Variants in SLC25A16 observed in about 807,000 individuals in gnomAD.
The protein encoded by SLC25A16 is solute carrier family 25 member 16.
In SLC25A16, 39 loss-of-function variants were observed where a neutral mutation model predicts 41.5. The ratio of observed to expected loss-of-function variants is 0.94; its 90% CI spans 0.73 to 1.23. The LOEUF is 1.23. Ranked by LOEUF, SLC25A16 falls within the 50% of genes most tolerant of loss-of-function variation. SLC25A16 has a pLI of 0.00. For synonymous variants in SLC25A16, 146 were observed against 147.8 expected, an observed-to-expected ratio of 0.99 and a Z score of 0.09; for missense variants, 421 against 426.9, an observed-to-expected ratio of 0.99 and a Z score of 0.12.
intron 2 of SLC25A16, among the ~76,000 whole-genome samples, chr10:68,509,184 A>G (rs2053011080): frequency 6.6e-6 from 1 of 152,022 alleles, no homozygotes; most frequent in Non-Finnish European, 1.5e-5. Flanking sequence ...TAAAAATACA[A>G]AAATTAGATG....
chr10:68,505,590 T>C (rs10823216), intron 3 of SLC25A16, among the ~76,000 whole-genome samples: 111,747 of 151,756 alleles, frequency 0.74, 42,154 homozygotes, highest in East Asian at 0.84. Context: ...CTGACCAACA[T>C]GGTGAAACCC....
intron 7 of SLC25A16, among the ~76,000 whole-genome samples, chr10:68,487,949 G>A (rs1197110251): frequency 6.6e-6 from 1 of 152,006 alleles, no homozygotes; most frequent in Non-Finnish European, 1.5e-5. Context: ...CACCTCCCAG[G>A]TTCAAGCAAT....
chr10:68,512,260 C>G (rs2053076383), intron 2 of SLC25A16, among the ~76,000 whole-genome samples: 1 of 151,936 alleles, frequency 6.6e-6, no homozygotes, highest in African/African-American at 2.4e-5. Context: ...GACCTTGTCT[C>G]TCCAAATATT....
At chr10:68,500,004 A>C in intron 4 of SLC25A16, 1 of 392,268 alleles carries the variant, frequency 2.5e-6, no homozygotes, top group South Asian at 2.9e-5. Flanking sequence ...AAAAACTCGA[A>C]ATAAAAAAAA....
At chr10:68,525,627 G>A (rs2053324786) in intron 1 of SLC25A16, among the ~76,000 whole-genome samples, 1 of 151,944 alleles carries the variant, frequency 6.6e-6, no homozygotes, top group Non-Finnish European at 1.5e-5. Context: ...CTTCAATGTG[G>A]AATTTTTAAA....
intron 4 of SLC25A16, among the ~76,000 whole-genome samples, chr10:68,498,805 G>C (rs1590105102): frequency 6.6e-6 from 1 of 152,186 alleles, no homozygotes; most frequent in African/African-American, 2.4e-5. Context: ...ATACCGTATG[G>C]TCATTCTGGT....
At chr10:68,522,459 C>T (rs1023238431) in intron 1 of SLC25A16, among the ~76,000 whole-genome samples, 1 of 151,922 alleles carries the variant, frequency 6.6e-6, no homozygotes, top group Non-Finnish European at 1.5e-5. Context: ...GCAGGTGGAT[C>T]ACTTAAGGTC....
At chr10:68,494,879 A>G (rs1269187807) in intron 4 of SLC25A16, among the ~76,000 whole-genome samples, 1 of 117,272 alleles carries the variant, frequency 8.5e-6, no homozygotes, top group African/African-American at 2.7e-5. Context: ...AACTGCATCT[A>G]AAAAAAAAAA....
In SLC25A16 at chr10:68,527,487, G is replaced by C; in HGVS notation, c.-112C>G. 9.3e-7 allele frequency: 1 copy of C among 1,079,036 alleles called. No homozygotes were observed. The allele number at this position is 1,079,036 out of a possible 1,614,324, so 66.8% of individuals were successfully genotyped here. A position where few individuals can be genotyped will look rare whatever the true frequency, so the allele number is the denominator to read the frequency against. On this transcript the variant is annotated 5_prime_UTR_variant, in exon 1 of 9. Coordinates refer to ENST00000609923, the MANE Select transcript of SLC25A16 (RefSeq NM_152707.4). ...CTGACCGCCCCGCCGGCGGGGCAAA[G>C]TAACACCCGGCGGCGCGGCGCCGGC...
At chr10:68,509,727 C>G in intron 2 of SLC25A16, among the ~76,000 whole-genome samples, 1 of 140,074 alleles carries the variant, frequency 7.1e-6, no homozygotes, top group Non-Finnish European at 1.5e-5. Context: ...ATATATCTAT[C>G]TATCTATATA....
intron 6 of SLC25A16, among the ~76,000 whole-genome samples, chr10:68,492,462 G>A (rs958227446): frequency 6.6e-6 from 1 of 151,896 alleles, no homozygotes; most frequent in African/African-American, 2.4e-5. Context: ...AAAATAAAAA[G>A]TTTAGTTTAA....
intron 4 of SLC25A16, among the ~76,000 whole-genome samples, chr10:68,501,713 G>C (rs1383542816): frequency 6.6e-6 from 1 of 152,044 alleles, no homozygotes; most frequent in Non-Finnish European, 1.5e-5. Context: ...TTGAATCCAG[G>C]AGTTTAAGCC....
At chr10:68,496,978 A>T in intron 4 of SLC25A16, among the ~76,000 whole-genome samples, 1 of 152,116 alleles carries the variant, frequency 6.6e-6, no homozygotes, top group South Asian at 2.1e-4. Flanking sequence ...ACCTAGCTAC[A>T]AAGGATTTCT....
rs568284250 is a variant in SLC25A16 at position 68,521,943 on chromosome 10, T to G, written c.131-5100A>C. Among the ~76,000 whole-genome samples, 5 of 151,898 alleles carry G rather than the reference T, an allele frequency of 3.3e-5. No homozygotes were observed. In the South Asian group the frequency reaches 1.0e-3, roughly 31 times the overall value. The stretch of plus-strand genomic sequence containing the variant: ...TGGGATGCTGAGGTGGGCAGATCAC[T>G]TGAGGTCAGGAATTGGAGACCAGTC... On this transcript the variant is annotated intron_variant, in intron 1 of 8. Coordinates refer to ENST00000609923, the MANE Select transcript of SLC25A16 (RefSeq NM_152707.4).
At chr10:68,486,957 A>G in intron 8 of SLC25A16, 187 bp downstream of exon 8, 1 of 80,118 alleles carries the variant, frequency 1.2e-5, no homozygotes, top group Admixed American at 1.8e-4. Flanking sequence ...ACTGCATCTC[A>G]AAAAAAAAAA....
Position 68,493,499 on chromosome 10 carries a change from C to A in SLC25A16, c.493G>T (p.Glu165Ter), listed in dbSNP as rs1158587208. The A allele has an allele frequency of 6.2e-7, 1 of 1,612,912 alleles. No homozygotes were observed. The highest frequency in any genetic ancestry group is 8.5e-7 in the Non-Finnish European group (1 of 1,179,226). The stretch of plus-strand genomic sequence containing the variant: ...TGAATAATTCCTGTATAGCTGTGTT[C>A]CCCTTTCACCTGGAATGCTAGGCGG... ...RVRLAFQVKG[E>*]HSYTGIIHAF... Residue 165 changes from glutamate (E) to a stop codon, truncating the protein, a stop_gained, in exon 5 of 9, where the codon GAA (glutamate) becomes TAA (stop). Coordinates refer to ENST00000609923, the MANE Select transcript of SLC25A16 (RefSeq NM_152707.4). LOFTEE classifies it high-confidence loss of function.
rs1315738455 is a variant in SLC25A16, at chr10:68,481,765, C to T, written c.*1667G>A. ...AGTAACTGGGACTACAGGCACGAGC[C>T]ACCACACCTGCTACTTTTTGTATTT... On this transcript the variant is annotated 3_prime_UTR_variant, in exon 9 of 9. Coordinates refer to ENST00000609923, the MANE Select transcript of SLC25A16 (RefSeq NM_152707.4). The T allele has an allele frequency of 1.3e-5, 2 of 152,190 alleles. No homozygotes were observed. Among genetic ancestry groups the T allele is most frequent in the Non-Finnish European group, 2.9e-5 (2 of 68,056 alleles). The allele number at this position is 152,190 out of a possible 1,614,324, so 9.4% of individuals were successfully genotyped here. A position where few individuals can be genotyped will look rare whatever the true frequency, so the allele number is the denominator to read the frequency against.
intron 2 of SLC25A16, among the ~76,000 whole-genome samples, chr10:68,512,750 G>A (rs1590120104): frequency 1.3e-5 from 2 of 151,778 alleles, no homozygotes; most frequent in Non-Finnish European, 2.9e-5. Context: ...TAAAAATGTT[G>A]GTTGGGGCTG....
intron 2 of SLC25A16, among the ~76,000 whole-genome samples, chr10:68,507,827 G>A (rs937331195): frequency 6.6e-6 from 1 of 152,108 alleles, no homozygotes; most frequent in Non-Finnish European, 1.5e-5. Context: ...TCAAATTTTA[G>A]ACTGCAAATA....
Sources: allele counts gnomAD v4.1 joint callset (sites outside exome capture counted in the v4.1 genomes callset), GRCh38; gene constraint gnomAD v4.1.1; transcripts MANE v1.5; gene names NCBI Gene and HGNC (gene_info 2026-07-23, HGNC 2026-07-21).